Variants in OSBPL2 observed in about 807,000 individuals in gnomAD.
The protein encoded by OSBPL2 is oxysterol-binding protein-related protein 2.
In OSBPL2, 18 loss-of-function variants were observed where a neutral mutation model predicts 58.4. The ratio of observed to expected loss-of-function variants is 0.31; its 90% CI spans 0.21 to 0.46. The LOEUF (loss-of-function observed/expected upper bound fraction) is 0.46, where lower values mean the gene tolerates loss of function less well. OSBPL2 is among the 20% of genes least tolerant of loss of function. The probability of loss-of-function intolerance (pLI) is 1.00; values close to 1 mark genes in which losing one functional copy is unlikely to be tolerated. For missense variants in OSBPL2, 461 were observed against 616.5 expected (o/e 0.75, Z 2.67); for synonymous variants, 221 against 234.1 (o/e 0.94, Z 0.51).
chr20:62,279,318 C>T lies in OSBPL2; in HGVS notation c.653C>T (p.Thr218Ile), dbSNP rs550211159. ...AGCGTGGAGGCGGAGCCCCGAGGCACCATCACCCTGGAGCTGCTCAAGTGA... is the reference window on the plus strand; with the variant it reads ...AGCGTGGAGGCGGAGCCCCGAGGCATCATCACCCTGGAGCTGCTCAAGTGA... ...GKSVEAEPRG[T>I]ITLELLKHNE... The change falls in exon 7 of 14, where the codon ACC becomes ATC. Residue 218 changes from threonine (T) to isoleucine (I), a missense_variant. Transcript: ENST00000313733. 57 of 1,614,118 alleles carry T rather than the reference C, an allele frequency of 3.5e-5. No individual in the cohort carries two copies. In the Middle Eastern group the frequency reaches 4.9e-4, roughly 14 times the overall value.
chr20:62,291,241 T>TCTCATGCTTTGTATG (rs1983491637), intron 12 of OSBPL2: 4 of 135,368 alleles, frequency 3.0e-5, no homozygotes, highest in East Asian at 2.6e-4. Context: ...TGCTTTGTAT[T>TCTCATGCTTTGTATG]CAGAATGTGT....
At chr20:62,291,470 G>A in intron 12 of OSBPL2, 1 of 545,096 alleles carries the variant, frequency 1.8e-6, no homozygotes, top group Non-Finnish European at 3.4e-6. Flanking sequence ...AGAACACGCA[G>A]CACATGCAGC....
intron 5 of OSBPL2, among the ~76,000 whole-genome samples, chr20:62,272,597 C>A (rs1448224440): frequency 6.6e-6 from 1 of 152,244 alleles, no homozygotes; most frequent in African/African-American, 2.4e-5. Context: ...CATGTGTGTG[C>A]ATGTGTGTGA....
chr20:62,262,522 C>T (rs1205545973), intron 3 of OSBPL2, among the ~76,000 whole-genome samples: 2 of 152,236 alleles, frequency 1.3e-5, no homozygotes, highest in African/African-American at 4.8e-5. Flanking sequence ...AATGTGTGCA[C>T]GGACGATGGC....
At position 62,269,963 on chromosome 20, in the gene OSBPL2, C is replaced by G. The variant is rs1366721577; in HGVS notation, c.259-2162C>G. On this transcript the variant is annotated intron_variant, in intron 4 of 13. Transcript: ENST00000313733. The surrounding 1 kb of genome is among the most constrained non-coding windows in gnomAD (Gnocchi z 4.2). ...CTCGCCCCTGCAGCAGCCTGAGCCG[C>G]AGGCTCTGTGCGTCTGCCCTGTGCT... Among the ~76,000 whole-genome samples the G allele has an allele frequency of 1.3e-5, 2 of 152,248 alleles. No homozygotes were observed. The highest frequency in any genetic ancestry group is 4.8e-5 in the African/African-American group (2 of 41,474).
intron 6 of OSBPL2, among the ~76,000 whole-genome samples, chr20:62,278,094 A>G (rs1345791751): frequency 1.3e-5 from 2 of 152,228 alleles, no homozygotes; most frequent in Non-Finnish European, 2.9e-5. Context: ...GCTGTGGCTC[A>G]GGTGGAGAGC....
chr20:62,260,303 T>A (rs1702513558), intron 3 of OSBPL2, among the ~76,000 whole-genome samples, 178 bp downstream of exon 3: 2 of 152,214 alleles, frequency 1.3e-5, no homozygotes, highest in South Asian at 4.1e-4. Context: ...AGAGACTCCA[T>A]GCCTCTCTTG....
At position 62,261,177 on chromosome 20, in the gene OSBPL2, G is replaced by A. The variant is rs566615706; in HGVS notation, c.182+1052G>A. On this transcript the variant is annotated intron_variant, in intron 3 of 13. Transcript: ENST00000313733. ...CTAAAATACAAAAAATTAGCTGGGC[G>A]TGGCTGTGCGCATCTGTAGTCCCGG... Among the ~76,000 whole-genome samples, 8 of 152,106 alleles carry A rather than the reference G, an allele frequency of 5.3e-5. 1 individual carries two copies. The South Asian group carries it at 1.7e-3, about 32-fold the overall frequency.
At chr20:62,276,029 G>A (rs958099684) in intron 6 of OSBPL2, among the ~76,000 whole-genome samples, 18 of 151,212 alleles carry the variant, frequency 1.2e-4, no homozygotes, top group African/African-American at 3.4e-4. Flanking sequence ...CTGATTCTCC[G>A]CCTCAGCTTC....
chr20:62,265,957 C>CA (rs1568837653), intron 4 of OSBPL2, among the ~76,000 whole-genome samples: 1 of 151,942 alleles, frequency 6.6e-6, no homozygotes, highest in Non-Finnish European at 1.5e-5. Flanking sequence ...CCCAACTCTA[C>CA]AAAAAAATTT....
chr20:62,281,549 C>A, intron 8 of OSBPL2: 1 of 525,306 alleles, frequency 1.9e-6, no homozygotes, highest in Non-Finnish European at 3.4e-6. Flanking sequence ...ATAATCGATG[C>A]ATCATAAGAC....
intron 1 of OSBPL2, among the ~76,000 whole-genome samples, chr20:62,240,264 A>G (rs111753653): frequency 0.065 from 9,961 of 152,238 alleles, 406 homozygotes; most frequent in Non-Finnish European, 0.093. Flanking sequence ...CTCCCTGCCC[A>G]GCCCAGTGCC....
At chr20:62,289,087 G>T in intron 11 of OSBPL2, 120 bp from the exon 12 acceptor site, 1 of 1,104,476 alleles carries the variant, frequency 9.1e-7, no homozygotes, top group Non-Finnish European at 1.3e-6. Context: ...GCGGAAGTAG[G>T]TTCCCATGGT....
At position 62,288,156 on chromosome 20, in the gene OSBPL2, G is replaced by A. The variant is rs1983252957; in HGVS notation, c.1126-1051G>A. Among the ~76,000 whole-genome samples, 1 of 152,170 alleles carries A rather than the reference G, an allele frequency of 6.6e-6. No individual in the cohort carries two copies. Among genetic ancestry groups the A allele is most frequent in the South Asian group, 2.1e-4 (1 of 4,832 alleles). Reference sequence around the variant, plus strand: ...GGATGAGGGTGGAGGGGGTGCAGGGGTCTCCAGACGACTTCAGTATTTGCT... The same window carrying A: ...GGATGAGGGTGGAGGGGGTGCAGGGATCTCCAGACGACTTCAGTATTTGCT... On this transcript the variant is annotated intron_variant, in intron 11 of 13. Coordinates refer to ENST00000313733, the MANE Select transcript of OSBPL2 (RefSeq NM_144498.4). The surrounding 1 kb of genome is among the most constrained non-coding windows in gnomAD (Gnocchi z 4.8).
intron 8 of OSBPL2, 163 bp downstream of exon 8, chr20:62,281,328 G>C: frequency 1.7e-6 from 1 of 594,016 alleles, no homozygotes; most frequent in East Asian, 2.8e-5. Flanking sequence ...ACTTGACTCT[G>C]ACCGGTGTTG....
chr20:62,281,011 C>T (rs777524284), intron 7 of OSBPL2, 47 bp from the exon 8 acceptor site: 1 of 1,481,758 alleles, frequency 6.7e-7, no homozygotes, highest in Non-Finnish European at 9.4e-7. Context: ...CACGTCGTGT[C>T]TTGGCTTTTC....
At chr20:62,258,461 A>G (rs760856530) in intron 2 of OSBPL2, among the ~76,000 whole-genome samples, 26 of 152,246 alleles carry the variant, frequency 1.7e-4, no homozygotes, top group Non-Finnish European at 2.2e-4. Context: ...GAGGACATGA[A>G]CAGTGTGTAT....
At chr20:62,279,552 C>A (rs1982642415) in intron 7 of OSBPL2, 1 of 573,922 alleles carries the variant, frequency 1.7e-6, no homozygotes, top group African/African-American at 1.9e-5. Context: ...GGAATTCGCC[C>A]CCCTTTCGGT....
chr20:62,244,837 C>T (rs1018667404), intron 1 of OSBPL2, among the ~76,000 whole-genome samples: 19 of 152,352 alleles, frequency 1.2e-4, no homozygotes, highest in Admixed American at 7.2e-4. Flanking sequence ...AAGCCGGGCT[C>T]ACCTTTGCCT....
Sources: allele counts gnomAD v4.1 joint callset (sites outside exome capture counted in the v4.1 genomes callset), GRCh38; gene constraint gnomAD v4.1.1; non-coding constraint Gnocchi (gnomAD v3.1); transcripts MANE v1.5; gene names NCBI Gene and HGNC (gene_info 2026-07-23, HGNC 2026-07-21).